ANKFY1: variants seen among roughly 807,000 people sequenced by gnomAD.
The protein encoded by ANKFY1 is ankyrin repeat and FYVE domain-containing protein 1.
In ANKFY1, 47 loss-of-function variants were observed where a neutral mutation model predicts 128.3. The ratio of observed to expected loss-of-function variants is 0.37; its 90% CI spans 0.29 to 0.47. The LOEUF is 0.47. ANKFY1 is among the 20% of genes least tolerant of loss of function. The pLI, the probability that ANKFY1 is intolerant of heterozygous loss-of-function variation, is 1.00. For missense variants in ANKFY1, 1,222 were observed against 1,510.6 expected, an observed-to-expected ratio of 0.81 and a Z score of 3.17; for synonymous variants, 553 against 601.6, an observed-to-expected ratio of 0.92 and a Z score of 1.18.
Position 4,214,968 on chromosome 17 carries a change from C to CT in ANKFY1, c.458+2014dup, listed in dbSNP as rs569148165. Among the ~76,000 whole-genome samples, 23 of 152,202 alleles carry CT rather than the reference C, an allele frequency of 1.5e-4. No homozygotes were observed. The East Asian group carries it at 4.2e-3, about 28-fold the overall frequency. On this transcript the variant is annotated intron_variant, in intron 4 of 24. Transcript: ENST00000341657. ...TTGTAAGGAGAAAAAGATTAACTGT[C>CT]TTTTTTTAGTATACATTAATTATCT...
chr17:4,247,537 C>T (rs1268709880), intron 1 of ANKFY1, among the ~76,000 whole-genome samples: 5 of 152,152 alleles, frequency 3.3e-5, no homozygotes, highest in Non-Finnish European at 7.3e-5. Context: ...CTTATGAGCA[C>T]TTACCAGCGC....
chr17:4,222,423 G>T, intron 3 of ANKFY1: 1 of 800,446 alleles, frequency 1.2e-6, no homozygotes, highest in Non-Finnish European at 2.3e-6. Flanking sequence ...CCTGGCATTC[G>T]AAGTCCAAGG....
chr17:4,248,814 T>C (rs937371366), intron 1 of ANKFY1, among the ~76,000 whole-genome samples: 11 of 152,164 alleles, frequency 7.2e-5, no homozygotes, highest in East Asian at 5.8e-4. Context: ...ATTTAAATAA[T>C]AGATAAAACC....
Position 4,166,290 on chromosome 17 carries a change from T to C in ANKFY1, c.*1489A>G, listed in dbSNP as rs2059209211. On this transcript the variant is annotated 3_prime_UTR_variant, in exon 25 of 25. Transcript: ENST00000341657. ...CAAAGAACAGGCTGTTGCAAAAATA[T>C]TTAGTCCCTTTACACATATAGTCAA... 1 of 152,378 alleles carries C rather than the reference T, an allele frequency of 6.6e-6. No individual in the cohort carries two copies. The highest frequency in any genetic ancestry group is 2.4e-5 in the African/African-American group (1 of 41,440). The allele number at this position is 152,378 out of a possible 1,614,324, so 9.4% of individuals were successfully genotyped here.
At chr17:4,186,977 T>G in intron 11 of ANKFY1, 1 of 1,202,682 alleles carries the variant, frequency 8.3e-7, no homozygotes, top group African/African-American at 1.6e-5. Context: ...CCTCTGTTTT[T>G]CCATGGGTTC....
rs9783835 is a variant in ANKFY1, at chr17:4,186,138, T to G, written c.1471-1092A>C. ...ACACACGTATGCACACACACATGCA[T>G]GTGGGCGTGTCCACGTGTATGTCCG... On this transcript the variant is annotated intron_variant, in intron 11 of 24. Coordinates refer to ENST00000341657, the MANE Select transcript of ANKFY1 (RefSeq NM_001330063.2). Among the ~76,000 whole-genome samples, 1,026 of 152,322 alleles carry G rather than the reference T, an allele frequency of 6.7e-3. 13 individuals are homozygous for G. The highest frequency in any genetic ancestry group is 0.023 in the African/African-American group (953 of 41,564).
At chr17:4,205,598 T>C (rs1037794771) in intron 7 of ANKFY1, among the ~76,000 whole-genome samples, 1 of 151,928 alleles carries the variant, frequency 6.6e-6, no homozygotes, top group Admixed American at 6.6e-5. Flanking sequence ...AAAAATTAGC[T>C]GGGCGTGGTG....
chr17:4,263,671 A>G, intron 1 of ANKFY1: 1 of 1,533,172 alleles, frequency 6.5e-7, no homozygotes, highest in Non-Finnish European at 8.7e-7. Flanking sequence ...TGCACGCAGC[A>G]CCGGCGCGGG....
intron 11 of ANKFY1, 125 bp downstream of exon 11, chr17:4,189,257 T>C: frequency 1.4e-6 from 1 of 693,436 alleles, no homozygotes; most frequent in Non-Finnish European, 2.4e-6. Flanking sequence ...TTTTTAACCA[T>C]ATGCATGTAT....
chr17:4,187,134 T>C (rs1295535580), intron 11 of ANKFY1: 4 of 691,378 alleles, frequency 5.8e-6, no homozygotes, highest in Non-Finnish European at 6.1e-6. Flanking sequence ...GTATCACCCT[T>C]TTATCCCCCA....
intron 1 of ANKFY1, among the ~76,000 whole-genome samples, chr17:4,258,430 T>C (rs956965678): frequency 8.7e-5 from 13 of 149,078 alleles, no homozygotes; most frequent in Non-Finnish European, 1.9e-4. Flanking sequence ...GAGGCTGAGA[T>C]AGGAGAATGG....
chr17:4,189,944 C>T (rs2059688072), intron 10 of ANKFY1, among the ~76,000 whole-genome samples: 1 of 152,210 alleles, frequency 6.6e-6, no homozygotes, highest in Non-Finnish European at 1.5e-5. Context: ...GCTGGAACAT[C>T]CAATTCCTCC....
intron 7 of ANKFY1, among the ~76,000 whole-genome samples, chr17:4,201,756 C>T (rs1369356078): frequency 6.6e-6 from 1 of 152,118 alleles, no homozygotes; most frequent in African/African-American, 2.4e-5. Flanking sequence ...TAGATTTCTT[C>T]ACAGTACAGA....
Position 4,263,959 on chromosome 17 carries a change from C to G in ANKFY1, c.-18G>C. 1 of 1,614,022 alleles carries G rather than the reference C, an allele frequency of 6.2e-7. No individual in the cohort carries two copies. Among genetic ancestry groups the G allele is most frequent in the Non-Finnish European group, 8.5e-7 (1 of 1,179,960 alleles). ...TCCGCCATGTCTGGCCCGGCACTGC[C>G]TGCAACCTCGCGAGAAGTGCGCGGC... is the stretch of plus-strand genomic sequence containing the variant. On this transcript the variant is annotated 5_prime_UTR_variant, in exon 1 of 25. Transcript: ENST00000341657.
At chr17:4,185,083 C>T (rs2059587438) in intron 11 of ANKFY1, 37 bp from the exon 12 acceptor site, 1 of 1,576,474 alleles carries the variant, frequency 6.3e-7, no homozygotes, top group Non-Finnish European at 8.6e-7. Flanking sequence ...TGAGCACTCA[C>T]AGGAATTCCC....
Position 4,181,397 on chromosome 17 carries a change from C to T in ANKFY1, c.2122-25G>A. The T allele has an allele frequency of 1.3e-6, 2 of 1,560,758 alleles. No homozygotes were observed. Among genetic ancestry groups the T allele is most frequent in the Non-Finnish European group, 1.8e-6 (2 of 1,131,516 alleles). ...CCTGCAGAAAAACATAGGTTATTCA[C>T]AAACACTGCTGAGCAAAGGCAAACA... On this transcript the variant is annotated intron_variant, in intron 15 of 24. Transcript: ENST00000341657. The surrounding 1 kb of genome is among the most constrained non-coding windows in gnomAD (Gnocchi z 4.9).
chr17:4,195,797 C>T (rs571612641), intron 8 of ANKFY1, among the ~76,000 whole-genome samples: 4 of 152,240 alleles, frequency 2.6e-5, no homozygotes, highest in African/African-American at 9.6e-5. Flanking sequence ...GATTTTCCCT[C>T]ATCTCTTCTC....
intron 1 of ANKFY1, among the ~76,000 whole-genome samples, chr17:4,250,912 T>A (rs908529984): frequency 2.0e-5 from 3 of 152,112 alleles, no homozygotes; most frequent in African/African-American, 7.2e-5. Context: ...TGGGATTACA[T>A]GCATGCATAA....
chr17:4,170,078 C>G (rs1190777950), intron 23 of ANKFY1, among the ~76,000 whole-genome samples: 1 of 152,212 alleles, frequency 6.6e-6, no homozygotes, highest in African/African-American at 2.4e-5. Flanking sequence ...CCAGATGTCA[C>G]AAATGCTGTC....
Sources: allele counts gnomAD v4.1 joint callset (sites outside exome capture counted in the v4.1 genomes callset), GRCh38; gene constraint gnomAD v4.1.1; non-coding constraint Gnocchi (gnomAD v3.1); transcripts MANE v1.5; gene names NCBI Gene and HGNC (gene_info 2026-07-23, HGNC 2026-07-21).